The following PLD5 variants were observed in gnomAD, a reference collection of about 807,000 sequenced individuals.
PLD5 encodes the protein inactive phospholipase D5.
In PLD5, 36 loss-of-function variants were observed where a neutral mutation model predicts 61.1. That is an observed-to-expected ratio of 0.59 (90% CI 0.45 to 0.78). PLD5 has a LOEUF of 0.78. PLD5 is among the 30% of genes least tolerant of loss of function. PLD5 has a pLI of 0.00. For missense variants in PLD5, 515 were observed against 644.4 expected (o/e 0.80, Z 2.17); for synonymous variants, 243 against 242.8 (o/e 1.00, Z -0.01).
rs575445847 is a variant in PLD5, at chr1:242,179,760, G to A, written c.735+40228C>T. Among the ~76,000 whole-genome samples the A allele has an allele frequency of 1.3e-3, 195 of 152,228 alleles. 1 individual carries two copies. The highest frequency in any genetic ancestry group is 4.5e-3 in the African/African-American group (187 of 41,558). ...TCTACTAAAAATACAAAAATTAGCC[G>A]GGCATGGTGGTGCATGGCAGTGGTC... On this transcript the variant is annotated intron_variant, in intron 5 of 9. Coordinates refer to ENST00000536534, the MANE Select transcript of PLD5 (RefSeq NM_001372062.1).
intron 4 of PLD5, among the ~76,000 whole-genome samples, chr1:242,238,388 C>G (rs1671776467): frequency 6.6e-6 from 1 of 152,126 alleles, no homozygotes; most frequent in African/African-American, 2.4e-5. Context: ...CCCAGCTGCC[C>G]TATTGTTGGC....
chr1:242,226,234 G>C (rs1033124896), intron 4 of PLD5, among the ~76,000 whole-genome samples: 10 of 151,922 alleles, frequency 6.6e-5, no homozygotes, highest in African/African-American at 2.4e-4. Flanking sequence ...CAGTTTCTCT[G>C]TGTGCAGCCC....
intron 1 of PLD5, among the ~76,000 whole-genome samples, chr1:242,373,453 T>A (rs112669186): frequency 1.4e-4 from 21 of 152,202 alleles, no homozygotes; most frequent in Admixed American, 6.5e-5. Context: ...TTACTGGGTA[T>A]ATACCCAAAG....
chr1:242,276,049 T>C (rs915383090), intron 3 of PLD5, among the ~76,000 whole-genome samples: 1 of 151,968 alleles, frequency 6.6e-6, no homozygotes, highest in African/African-American at 2.4e-5. Context: ...GAAAAAAAAC[T>C]GGAAAGAGCT....
At chr1:242,207,375 G>A (rs1485369654) in intron 5 of PLD5, among the ~76,000 whole-genome samples, 1 of 152,024 alleles carries the variant, frequency 6.6e-6, no homozygotes, top group Non-Finnish European at 1.5e-5. Context: ...CTGATTACAG[G>A]TCTTCGGTAG....
chr1:242,504,365 A>G (rs1668654670), intron 1 of PLD5, among the ~76,000 whole-genome samples: 1 of 152,186 alleles, frequency 6.6e-6, no homozygotes, highest in African/African-American at 2.4e-5. Context: ...AGCATCAACT[A>G]CTATCATTCA....
chr1:242,191,501 G>A (rs1009595960), intron 5 of PLD5, among the ~76,000 whole-genome samples: 1 of 152,080 alleles, frequency 6.6e-6, no homozygotes, highest in East Asian at 2.0e-4. Flanking sequence ...CAGGAAAATC[G>A]CTTGAACCCA....
At chr1:242,419,572 A>ATATTTTTTT (rs1553372083) in intron 1 of PLD5, among the ~76,000 whole-genome samples, 1 of 97,090 alleles carries the variant, frequency 1.0e-5, no homozygotes, top group African/African-American at 4.4e-5. Context: ...AATTTTTTGC[A>ATATTTTTTT]TTTTTTTTTT....
intron 5 of PLD5, among the ~76,000 whole-genome samples, chr1:242,173,498 G>T (rs973541241): frequency 8.5e-5 from 13 of 152,138 alleles, no homozygotes; most frequent in Non-Finnish European, 1.5e-4. Context: ...TAGATTCAAT[G>T]CCATCCCCAT....
chr1:242,175,036 TATA>T (rs1297486875), intron 5 of PLD5, among the ~76,000 whole-genome samples: 2 of 151,836 alleles, frequency 1.3e-5, no homozygotes, highest in Non-Finnish European at 2.9e-5. Flanking sequence ...GAACTTAAAG[TATA>T]ATAATAAAAA....
intron 1 of PLD5, among the ~76,000 whole-genome samples, chr1:242,381,070 A>G (rs933848182): frequency 6.6e-6 from 1 of 152,242 alleles, no homozygotes; most frequent in Non-Finnish European, 1.5e-5. Context: ...AGGAATATAA[A>G]TCATTCTATT....
intron 5 of PLD5, among the ~76,000 whole-genome samples, chr1:242,155,335 G>C (rs372751202): frequency 6.6e-6 from 1 of 151,910 alleles, no homozygotes; most frequent in African/African-American, 2.4e-5. Flanking sequence ...AGAGTTTTTC[G>C]TGTCTCTATC....
At chr1:242,272,953 G>A (rs1025778904) in intron 3 of PLD5, among the ~76,000 whole-genome samples, 2 of 151,946 alleles carry the variant, frequency 1.3e-5, no homozygotes, top group Non-Finnish European at 1.5e-5. Context: ...TACATGTGCA[G>A]AACGTGCAGG....
intron 4 of PLD5, among the ~76,000 whole-genome samples, chr1:242,259,326 C>CTCTCTCAA (rs1553337791): frequency 6.6e-6 from 1 of 150,560 alleles, no homozygotes; most frequent in Admixed American, 6.6e-5. Flanking sequence ...CTCTCTCTCT[C>CTCTCTCAA]AAAAAAAATA....
intron 4 of PLD5, among the ~76,000 whole-genome samples, chr1:242,240,119 C>T (rs185674007): frequency 6.6e-6 from 1 of 152,248 alleles, no homozygotes. Flanking sequence ...TTATTTTACA[C>T]TGCACATGGC....
intron 1 of PLD5, among the ~76,000 whole-genome samples, chr1:242,393,424 A>C (rs1453719338): frequency 2.1e-5 from 1 of 47,134 alleles, no homozygotes; most frequent in Non-Finnish European, 3.8e-5. Context: ...ATGAGTATAT[A>C]TATGTGTATA....
chr1:242,493,618 G>GA (rs1465018012), intron 1 of PLD5, among the ~76,000 whole-genome samples: 2 of 152,184 alleles, frequency 1.3e-5, no homozygotes, highest in Admixed American at 1.3e-4. Flanking sequence ...AGGATAGCTG[G>GA]AGAGAGGACG....
In PLD5 at chr1:242,100,719, G is replaced by A. The variant is rs754092038; in HGVS notation, c.1303C>T (p.Pro435Ser). ...ATKEQKNHTF[P>S]RLNRNKYMVT... ...ATGTACTTGTTGCGATTTAACCTAG[G>A]AAAGGTGTGATTCTTTTGTTCTTTT... Residue 435 changes from proline to serine, a missense_variant, in exon 9 of 10, where the codon CCT becomes TCT. Around this residue, in one of 2 missense-constraint regions of PLD5, gnomAD observed 450 missense variants for 598.1 expected, o/e 0.75. Coordinates refer to ENST00000536534, the MANE Select transcript of PLD5 (RefSeq NM_001372062.1). The A allele has an allele frequency of 6.2e-7, 1 of 1,613,968 alleles. No homozygotes were observed. Among genetic ancestry groups the A allele is most frequent in the Non-Finnish European group, 8.5e-7 (1 of 1,179,992 alleles).
intron 1 of PLD5, among the ~76,000 whole-genome samples, chr1:242,377,901 C>CTA (rs1662056690): frequency 6.6e-6 from 1 of 152,114 alleles, no homozygotes; most frequent in Non-Finnish European, 1.5e-5. Context: ...AATCGGAACC[C>CTA]TATACATTGT....
Sources: allele counts gnomAD v4.1 joint callset (sites outside exome capture counted in the v4.1 genomes callset), GRCh38; gene constraint gnomAD v4.1.1; regional missense constraint gnomAD v4.1.1; transcripts MANE v1.5; gene names NCBI Gene and HGNC (gene_info 2026-07-23, HGNC 2026-07-21).